EPHA5: variants seen among roughly 807,000 people sequenced by gnomAD.
EPHA5 encodes ephrin type-A receptor 5.
In EPHA5, 60 loss-of-function variants were observed where a neutral mutation model predicts 105.0. That is an observed-to-expected ratio of 0.57 (90% confidence interval 0.46 to 0.71). The LOEUF is 0.71. Among genes scored for constraint, EPHA5 ranks in the 30% least tolerant of loss-of-function variants. EPHA5 has a pLI of 0.00. For synonymous variants in EPHA5, 513 were observed against 449.1 expected, an observed-to-expected ratio of 1.14 and a Z score of -1.80; for missense variants, 1,218 against 1,274.7, an observed-to-expected ratio of 0.96 and a Z score of 0.68.
At chr4:65,654,105 G>T (rs1180573824) in intron 1 of EPHA5, among the ~76,000 whole-genome samples, 2 of 151,746 alleles carry the variant, frequency 1.3e-5, no homozygotes, top group East Asian at 1.9e-4. Context: ...ATTCTGAATT[G>T]GTTGTGATAC....
rs113754668 is a variant in EPHA5 at position 65,555,260 on chromosome 4, C to T, written c.910+46381G>A. ...AATGAACAAGAAAAGGCTATGGAAG[C>T]TTGGAATGCACTGGGAAGAAATACC... On this transcript the variant is annotated intron_variant, in intron 3 of 16. Coordinates refer to ENST00000613740, the MANE Select transcript of EPHA5 (RefSeq NM_001281766.3). 1.2e-3 allele frequency among the ~76,000 whole-genome samples: 177 copies of T among 151,980 alleles called. 1 individual carries two copies. The highest frequency in any genetic ancestry group is 4.0e-3 in the African/African-American group (165 of 41,494).
chr4:65,453,619 G>T (rs1418715528), intron 5 of EPHA5, among the ~76,000 whole-genome samples: 1 of 152,096 alleles, frequency 6.6e-6, no homozygotes, highest in African/African-American at 2.4e-5. Flanking sequence ...AGCTGGTAAG[G>T]GAAGAATGTC....
chr4:65,585,823 G>A (rs4406064), intron 3 of EPHA5, among the ~76,000 whole-genome samples: 131,553 of 151,576 alleles, frequency 0.87, 57,446 homozygotes, highest in Non-Finnish European at 0.91. Flanking sequence ...AGGAGCATAT[G>A]TTTTTCTACA....
At chr4:65,661,418 G>A (rs1749548684) in intron 1 of EPHA5, among the ~76,000 whole-genome samples, 1 of 152,070 alleles carries the variant, frequency 6.6e-6, no homozygotes, top group African/African-American at 2.4e-5. Flanking sequence ...TCTTTCTAGA[G>A]ACATCAAATA....
At position 65,475,063 on chromosome 4, in the gene EPHA5, C is replaced by T. The variant is rs368114520; in HGVS notation, c.1402+15314G>A. Reference sequence around the variant, plus strand: ...GCAAAATAGAGACTAAAAAAGATAGCGTAAACAAGTCAATCTATATTGTCA... The same window carrying T: ...GCAAAATAGAGACTAAAAAAGATAGTGTAAACAAGTCAATCTATATTGTCA... On this transcript the variant is annotated intron_variant, in intron 5 of 16. Transcript: ENST00000613740. Among the ~76,000 whole-genome samples the T allele has an allele frequency of 1.4e-3, 215 of 152,134 alleles. 1 individual carries two copies. The highest frequency in any genetic ancestry group is 0.013 in the South Asian group (62 of 4,822).
At chr4:65,364,671 A>G (rs1202377678) in intron 11 of EPHA5, among the ~76,000 whole-genome samples, 1 of 151,622 alleles carries the variant, frequency 6.6e-6, no homozygotes, top group Non-Finnish European at 1.5e-5. Flanking sequence ...TTAAACTTCA[A>G]TGCTTCAATC....
intron 8 of EPHA5, among the ~76,000 whole-genome samples, chr4:65,392,851 C>T (rs1446761469): frequency 6.6e-6 from 1 of 152,058 alleles, no homozygotes; most frequent in Non-Finnish European, 1.5e-5. Context: ...AATTCAATAA[C>T]TTATGAGTTA....
At position 65,329,514 on chromosome 4, in the gene EPHA5, A is replaced by C. The variant is rs371705649; in HGVS notation, c.2945+2459T>G. On this transcript the variant is annotated intron_variant, in intron 16 of 16. Transcript: ENST00000613740. Reference sequence around the variant, plus strand: ...AATTTGATGCCACAAATTACAATGTAGTTTTTAAATATGGCAGTTGGACTA... The same window carrying C: ...AATTTGATGCCACAAATTACAATGTCGTTTTTAAATATGGCAGTTGGACTA... 3.3e-4 allele frequency among the ~76,000 whole-genome samples: 50 copies of C among 151,580 alleles called. No homozygotes were observed. In the East Asian group the frequency reaches 4.3e-3, roughly 13 times the overall value.
intron 5 of EPHA5, among the ~76,000 whole-genome samples, chr4:65,434,698 A>G (rs1725306653): frequency 6.6e-6 from 1 of 152,134 alleles, no homozygotes; most frequent in South Asian, 2.1e-4. Flanking sequence ...AAATTAATGC[A>G]ACTTTTCATC....
At chr4:65,400,348 T>C (rs1331598650) in intron 8 of EPHA5, among the ~76,000 whole-genome samples, 1 of 152,178 alleles carries the variant, frequency 6.6e-6, no homozygotes, top group African/African-American at 2.4e-5. Context: ...GGAAGGCATA[T>C]CAATTGTTTT....
At chr4:65,665,745 CAAG>C (rs982042302) in intron 1 of EPHA5, among the ~76,000 whole-genome samples, 9 of 152,098 alleles carry the variant, frequency 5.9e-5, no homozygotes, top group African/African-American at 2.2e-4. Flanking sequence ...CCCTAACACC[CAAG>C]AAGATCTTTG....
chr4:65,658,109 A>C (rs1228100639), intron 1 of EPHA5, among the ~76,000 whole-genome samples: 2 of 152,074 alleles, frequency 1.3e-5, no homozygotes, highest in Non-Finnish European at 2.9e-5. Flanking sequence ...TCTCAGTATG[A>C]TAGGCAACAC....
rs189994714 is a variant in EPHA5, at chr4:65,655,200, A to G, written c.182-11773T>C. Among the ~76,000 whole-genome samples the G allele has an allele frequency of 1.8e-3, 275 of 152,114 alleles. 1 individual carries two copies. Among genetic ancestry groups the G allele is most frequent in the African/African-American group, 6.6e-3 (272 of 41,524 alleles). ...ACCATTTATATAGCATTTTCTAAGC[A>G]TGAGTCATATGTTAAGTGATATATA... On this transcript the variant is annotated intron_variant, in intron 1 of 16. Transcript: ENST00000613740.
chr4:65,428,192 G>T (rs561737079), intron 5 of EPHA5, among the ~76,000 whole-genome samples: 3 of 151,948 alleles, frequency 2.0e-5, no homozygotes, highest in Admixed American at 6.6e-5. Flanking sequence ...AATGAGAATT[G>T]CAGTTATTGA....
At chr4:65,404,586 C>T in intron 7 of EPHA5, 107 bp from the exon 8 acceptor site, 1 of 841,920 alleles carries the variant, frequency 1.2e-6, no homozygotes, top group Non-Finnish European at 1.9e-6. Context: ...AGCAATTTAC[C>T]CACACTTAGC....
intron 5 of EPHA5, among the ~76,000 whole-genome samples, chr4:65,435,783 G>C (rs2149073949): frequency 6.6e-6 from 1 of 151,398 alleles, no homozygotes; most frequent in East Asian, 1.9e-4. Flanking sequence ...GTTTCTCTCT[G>C]ATGGTTAAAA....
At chr4:65,434,515 C>T (rs369437022) in intron 5 of EPHA5, among the ~76,000 whole-genome samples, 31 of 152,158 alleles carry the variant, frequency 2.0e-4, no homozygotes, top group Middle Eastern at 3.4e-3. Context: ...ACACTTTCCA[C>T]GGGACTACTT....
chr4:65,382,583 T>C (rs944678910), intron 8 of EPHA5, among the ~76,000 whole-genome samples: 20 of 151,896 alleles, frequency 1.3e-4, no homozygotes, highest in Non-Finnish European at 2.8e-4. Context: ...AGAATCTATA[T>C]GCTATTCTTT....
chr4:65,383,416 A>G (rs1348376398), intron 8 of EPHA5, among the ~76,000 whole-genome samples: 3 of 151,802 alleles, frequency 2.0e-5, no homozygotes, highest in Non-Finnish European at 4.4e-5. Flanking sequence ...TCTTTCCTGT[A>G]TTTCTTGAAG....
Sources: gnomAD v4.1 joint callset for allele counts (sites outside exome capture counted in the v4.1 genomes callset) on GRCh38, gnomAD v4.1.1 for gene constraint, MANE v1.5 for transcripts, NCBI Gene and HGNC (gene_info 2026-07-23, HGNC 2026-07-21) for gene names.